SLC28A3: variants seen among roughly 807,000 people sequenced by gnomAD.
The protein encoded by SLC28A3 is concentrative Na(+)-nucleoside cotransporter 3.
In SLC28A3, 68 loss-of-function variants were observed where a neutral mutation model predicts 84.2. The observed-to-expected ratio is 0.81, with a 90% CI of 0.66 to 0.99. The LOEUF (loss-of-function observed/expected upper bound fraction) is 0.99. Among genes scored for constraint, SLC28A3 ranks in the 50% least tolerant of loss-of-function variants. SLC28A3 has a pLI of 0.00. For synonymous variants in SLC28A3, 267 were observed against 303.6 expected (o/e 0.88, Z 1.25); for missense variants, 712 against 841.5 (o/e 0.85, Z 1.90).
At position 84,297,893 on chromosome 9, in the gene SLC28A3, G is replaced by A; in HGVS notation, c.783+13C>T. 6.3e-7 allele frequency: 1 copy of A among 1,587,370 alleles called. No individual in the cohort carries two copies. Among genetic ancestry groups the A allele is most frequent in the Non-Finnish European group, 8.5e-7 (1 of 1,172,370 alleles). ...CACCATAAAAGCAAAGTGTTCTTTT[G>A]AACCAAACTTACCTGAACTTGTCTG... On this transcript the variant is annotated intron_variant, in intron 7 of 17. Transcript: ENST00000376238.
At chr9:84,284,140 C>T (rs1824882615) in intron 14 of SLC28A3, among the ~76,000 whole-genome samples, 1 of 152,206 alleles carries the variant, frequency 6.6e-6, no homozygotes, top group South Asian at 2.1e-4. Flanking sequence ...CGATTCTCTC[C>T]TGGCAACTGG....
intron 17 of SLC28A3, among the ~76,000 whole-genome samples, chr9:84,278,756 G>A (rs1325861215): frequency 3.9e-5 from 6 of 152,060 alleles, no homozygotes; most frequent in Non-Finnish European, 7.4e-5. Flanking sequence ...GGAGCCAGCA[G>A]AGGGTAGCAG....
chr9:84,292,817 A>T, intron 9 of SLC28A3, 69 bp from the exon 10 acceptor site: 1 of 1,067,288 alleles, frequency 9.4e-7, no homozygotes. Context: ...AGTAGGGATT[A>T]AAATCCTTAA....
the SLC28A3 span, among the ~76,000 whole-genome samples, chr9:84,355,582 C>CT: frequency 6.6e-5 from 10 of 151,146 alleles, no homozygotes; most frequent in South Asian, 2.1e-4. Context: ...ATTTTGATTT[C>CT]TTTTTTTTTG....
rs1825900590 is a variant in SLC28A3 at position 84,309,296 on chromosome 9, G to C, written c.242+333C>G. Among the ~76,000 whole-genome samples, 7 of 152,140 alleles carry C rather than the reference G, an allele frequency of 4.6e-5. No individual in the cohort carries two copies. The South Asian group carries it at 1.5e-3, about 32-fold the overall frequency. ...CCAACACTTTGGGAGGTCGAGGTGGGTGGATCATTTGAGGTCAGGAGTTCG... is the reference window on the plus strand; with the variant it reads ...CCAACACTTTGGGAGGTCGAGGTGGCTGGATCATTTGAGGTCAGGAGTTCG... On this transcript the variant is annotated intron_variant, in intron 3 of 17. Coordinates refer to ENST00000376238, the MANE Select transcript of SLC28A3 (RefSeq NM_001199633.2).
rs759410453 is a variant in SLC28A3, at chr9:84,276,386, T to TATCA, written c.*1828_*1831dup. 6.6e-6 allele frequency: 1 copy of TATCA among 151,676 alleles called. No homozygotes were observed. The highest frequency in any genetic ancestry group is 1.5e-5 in the Non-Finnish European group (1 of 68,000). 9.4% of individuals were successfully genotyped at this position (151,676 alleles called of 1,614,324 possible). A position where few individuals can be genotyped will look rare whatever the true frequency, so the allele number is the denominator to read the frequency against. On this transcript the variant is annotated 3_prime_UTR_variant, in exon 18 of 18. Transcript: ENST00000376238. Reference sequence around the variant, plus strand: ...AAATTACATGTGACTTGCATATGTCTATCAGACACTATTGCTATAGAAAAA... The same window carrying TATCA: ...AAATTACATGTGACTTGCATATGTCTATCAATCAGACACTATTGCTATAGAAAAA...
rs769076310 is a variant in SLC28A3, at chr9:84,292,561, C to G, written c.1023+107G>C. ...ATACTGGGGGTTTCTTATTTTGACACCATTTTCTCTACACTAAAAGAACAT... is the reference window on the plus strand; with the variant it reads ...ATACTGGGGGTTTCTTATTTTGACAGCATTTTCTCTACACTAAAAGAACAT... On this transcript the variant is annotated intron_variant, in intron 10 of 17. Coordinates refer to ENST00000376238, the MANE Select transcript of SLC28A3 (RefSeq NM_001199633.2). 6 of 827,736 alleles carry G rather than the reference C, an allele frequency of 7.2e-6. No individual in the cohort carries two copies. The East Asian group carries it at 1.8e-4, about 25-fold the overall frequency. The allele number at this position is 827,736 out of a possible 1,614,324, so 51.3% of individuals were successfully genotyped here.
Position 84,277,691 on chromosome 9 carries a change from T to C in SLC28A3, c.*527A>G, listed in dbSNP as rs17087039. 3,827 of 152,898 alleles carry C rather than the reference T, an allele frequency of 0.025. 282 individuals are homozygous for C. The East Asian group carries it at 0.26, about 10-fold the overall frequency. The allele number at this position is 152,898 out of a possible 1,614,324, so 9.5% of individuals were successfully genotyped here. On this transcript the variant is annotated 3_prime_UTR_variant, in exon 18 of 18. Coordinates refer to ENST00000376238, the MANE Select transcript of SLC28A3 (RefSeq NM_001199633.2). ...ATCCACGTGTTCTCCTCAAGGACTC[T>C]TGATTTCTGCAGGACTTCCTGAGGG...
upstream of SLC28A3, among the ~76,000 whole-genome samples, chr9:84,341,264 C>T (rs1827151789): frequency 3.3e-5 from 5 of 152,164 alleles, no homozygotes; most frequent in South Asian, 1.0e-3. Context: ...AGCCACCGTG[C>T]CCAGCCAGAA....
chr9:84,361,957 G>A, the SLC28A3 span, among the ~76,000 whole-genome samples: 7,701 of 152,054 alleles, frequency 0.051, 331 homozygotes, highest in African/African-American at 0.11. Context: ...TTTAGTAACA[G>A]CTAAGGGAAA....
At chr9:84,329,965 T>C (rs924398038) in intron 1 of SLC28A3, among the ~76,000 whole-genome samples, 1 of 152,180 alleles carries the variant, frequency 6.6e-6, no homozygotes, top group Non-Finnish European at 1.5e-5. Flanking sequence ...TAATTGCTTA[T>C]ATTATCAAGA....
chr9:84,279,498 G>A, intron 16 of SLC28A3, 113 bp from the exon 17 acceptor site: 1 of 851,790 alleles, frequency 1.2e-6, no homozygotes, highest in Non-Finnish European at 1.5e-6. Context: ...CTAGAGTGTA[G>A]TGGCATGATC....
At chr9:84,346,862 T>A in the SLC28A3 span, among the ~76,000 whole-genome samples, 3 of 152,182 alleles carry the variant, frequency 2.0e-5, no homozygotes, top group Admixed American at 6.5e-5. Flanking sequence ...GATTTGGCTG[T>A]CTGTATCACT....
At chr9:84,353,570 C>A in the SLC28A3 span, among the ~76,000 whole-genome samples, 1 of 152,050 alleles carries the variant, frequency 6.6e-6, no homozygotes, top group Non-Finnish European at 1.5e-5. Flanking sequence ...ATTAGCCAGG[C>A]GTGTTGATGC....
intron 12 of SLC28A3, among the ~76,000 whole-genome samples, chr9:84,286,707 A>G (rs1825004875): frequency 6.6e-6 from 1 of 152,080 alleles, no homozygotes. Flanking sequence ...ATGATTCAAA[A>G]CCAACAACAA....
At chr9:84,301,368 A>AG in intron 5 of SLC28A3, among the ~76,000 whole-genome samples, 1 of 150,950 alleles carries the variant, frequency 6.6e-6, no homozygotes, top group Admixed American at 6.6e-5. Context: ...AAAAAAAAAA[A>AG]AAAAAAGAAA....
chr9:84,355,136 CCAAATTCA>C, the SLC28A3 span, among the ~76,000 whole-genome samples: 1 of 152,036 alleles, frequency 6.6e-6, no homozygotes, highest in East Asian at 1.9e-4. Flanking sequence ...TCGTATGGAG[CCAAATTCA>C]CAGTGTGCAG....
intron 3 of SLC28A3, among the ~76,000 whole-genome samples, chr9:84,306,827 A>G (rs1422599796): frequency 6.6e-6 from 1 of 152,044 alleles, no homozygotes; most frequent in Non-Finnish European, 1.5e-5. Flanking sequence ...TTGGGGATGC[A>G]TTAGCGGGTT....
At chr9:84,282,097 G>A (rs1235582859) in intron 14 of SLC28A3, among the ~76,000 whole-genome samples, 3 of 152,166 alleles carry the variant, frequency 2.0e-5, no homozygotes, top group South Asian at 4.1e-4. Context: ...AGCTGAGATC[G>A]CACCGTTGCC....
Sources: allele counts gnomAD v4.1 joint callset (sites outside exome capture counted in the v4.1 genomes callset), GRCh38; gene constraint gnomAD v4.1.1; transcripts MANE v1.5; gene names NCBI Gene and HGNC (gene_info 2026-07-23, HGNC 2026-07-21).